SNTG1: variants seen among roughly 807,000 people sequenced by gnomAD.
SNTG1 encodes the protein syntrophin gamma 1.
A neutral mutation model predicts 74.7 loss-of-function variants in SNTG1; 39 were observed. The observed-to-expected ratio is 0.52, with a 90% CI of 0.40 to 0.68. The LOEUF is 0.68. SNTG1 is among the 30% of genes least tolerant of loss of function. The probability of loss-of-function intolerance (pLI) is 0.00; values close to 1 mark genes in which losing one functional copy is unlikely to be tolerated. For missense variants in SNTG1, 685 were observed against 609.5 expected (o/e 1.12, Z -1.30); for synonymous variants, 254 against 217.1 (o/e 1.17, Z -1.49).
At chr8:50,369,587 A>G (rs973319138) in intron 2 of SNTG1, among the ~76,000 whole-genome samples, 6 of 148,588 alleles carry the variant, frequency 4.0e-5, no homozygotes, top group Non-Finnish European at 8.9e-5. Context: ...CAAGAGCAAA[A>G]CTCCGTCCCA....
intron 18 of SNTG1, among the ~76,000 whole-genome samples, chr8:50,758,584 G>A (rs202227600): frequency 1.3e-5 from 2 of 152,036 alleles, no homozygotes; most frequent in Non-Finnish European, 2.9e-5. Context: ...TTGGTTTTCT[G>A]TTCTTGTGTT....
chr8:50,703,085 G>C (rs1228773420), intron 15 of SNTG1, among the ~76,000 whole-genome samples: 2 of 152,062 alleles, frequency 1.3e-5, no homozygotes, highest in Non-Finnish European at 2.9e-5. Context: ...TAAATACTGA[G>C]CACTTAGACT....
intron 13 of SNTG1, among the ~76,000 whole-genome samples, chr8:50,653,305 T>C (rs566843742): frequency 6.6e-6 from 1 of 152,084 alleles, no homozygotes; most frequent in South Asian, 2.1e-4. Context: ...AGTGGTGGTG[T>C]GTGTGCCTGT....
intron 15 of SNTG1, among the ~76,000 whole-genome samples, chr8:50,667,312 C>A (rs1324787781): frequency 6.6e-6 from 1 of 151,992 alleles, no homozygotes; most frequent in Non-Finnish European, 1.5e-5. Context: ...TAAAAAGTTA[C>A]ATTTTAGGGA....
intron 17 of SNTG1, among the ~76,000 whole-genome samples, chr8:50,719,564 C>T (rs186600391): frequency 3.6e-4 from 55 of 152,264 alleles, no homozygotes; most frequent in African/African-American, 1.2e-3. Flanking sequence ...TCCAAGAAAT[C>T]TGTACCAACA....
chr8:50,004,475 C>T (rs1206444222), intron 1 of SNTG1, among the ~76,000 whole-genome samples: 1 of 152,146 alleles, frequency 6.6e-6, no homozygotes, highest in Admixed American at 6.5e-5. Flanking sequence ...CTTACTGCAA[C>T]TCTGCACCCA....
chr8:50,496,666 A>C (rs1490012332), intron 8 of SNTG1, among the ~76,000 whole-genome samples: 3 of 152,208 alleles, frequency 2.0e-5, no homozygotes, highest in Admixed American at 1.3e-4. Flanking sequence ...TATTAAACAC[A>C]TAAATATCTA....
intron 13 of SNTG1, among the ~76,000 whole-genome samples, chr8:50,645,484 G>GT (rs1052287785): frequency 1.6e-4 from 25 of 151,656 alleles, no homozygotes; most frequent in African/African-American, 5.6e-4. Flanking sequence ...TTTATCCTCT[G>GT]TTTTTTTAAG....
At chr8:50,514,099 C>CT (rs941768339) in intron 9 of SNTG1, among the ~76,000 whole-genome samples, 43 of 152,136 alleles carry the variant, frequency 2.8e-4, no homozygotes, top group Non-Finnish European at 4.6e-4. Context: ...GCATATTTTA[C>CT]TTTTTTTTAT....
chr8:50,363,289 C>T (rs2092013011), intron 2 of SNTG1, among the ~76,000 whole-genome samples: 1 of 152,162 alleles, frequency 6.6e-6, no homozygotes, highest in Non-Finnish European at 1.5e-5. Flanking sequence ...CCTGAATTTA[C>T]ATCCCCTCTC....
intron 1 of SNTG1, among the ~76,000 whole-genome samples, chr8:50,104,528 AT>A (rs1177226633): frequency 2.0e-5 from 3 of 151,898 alleles, no homozygotes; most frequent in African/African-American, 4.8e-5. Flanking sequence ...GGATTCATTA[AT>A]TTTTTGAAGC....
At chr8:50,098,924 A>G (rs1563591090) in intron 1 of SNTG1, among the ~76,000 whole-genome samples, 1 of 152,130 alleles carries the variant, frequency 6.6e-6, no homozygotes, top group Non-Finnish European at 1.5e-5. Flanking sequence ...TAGTGAACAA[A>G]TCACACTATT....
intron 1 of SNTG1, among the ~76,000 whole-genome samples, chr8:50,043,936 A>G (rs937794467): frequency 1.3e-5 from 2 of 152,204 alleles, no homozygotes; most frequent in African/African-American, 4.8e-5. Flanking sequence ...CCAACAGAAA[A>G]TCAAGAAGCT....
chr8:49,952,057 GA>G (rs1365420064), intron 1 of SNTG1, among the ~76,000 whole-genome samples: 2 of 152,002 alleles, frequency 1.3e-5, no homozygotes, highest in African/African-American at 2.4e-5. Context: ...GGAGCCTGGG[GA>G]AAGCTTTCTG....
At chr8:49,946,008 C>A (rs1183506320) in intron 1 of SNTG1, among the ~76,000 whole-genome samples, 1 of 152,150 alleles carries the variant, frequency 6.6e-6, no homozygotes, top group Admixed American at 6.5e-5. Flanking sequence ...GTTTTACTAA[C>A]TAGGAAAACC....
intron 13 of SNTG1, among the ~76,000 whole-genome samples, chr8:50,642,649 C>T (rs1041921396): frequency 6.6e-6 from 1 of 152,124 alleles, no homozygotes; most frequent in Non-Finnish European, 1.5e-5. Flanking sequence ...ATACAGGTAA[C>T]TCACTTCCTT....
chr8:50,577,747 C>T (rs1167881149), intron 12 of SNTG1, among the ~76,000 whole-genome samples: 1 of 152,104 alleles, frequency 6.6e-6, no homozygotes, highest in East Asian at 1.9e-4. Context: ...TGATGATTTC[C>T]ATTATTGTTG....
intron 2 of SNTG1, among the ~76,000 whole-genome samples, chr8:50,196,572 A>G (rs1017590856): frequency 1.3e-5 from 2 of 152,026 alleles, no homozygotes; most frequent in Non-Finnish European, 2.9e-5. Flanking sequence ...ATTTCATTCT[A>G]TGTAGAAAAG....
intron 2 of SNTG1, among the ~76,000 whole-genome samples, chr8:50,204,900 C>T (rs1003097445): frequency 2.6e-5 from 4 of 152,168 alleles, no homozygotes; most frequent in Non-Finnish European, 5.9e-5. Flanking sequence ...GACGTGAACT[C>T]ATCCTTTTTT....
Sources: allele counts gnomAD v4.1 joint callset (sites outside exome capture counted in the v4.1 genomes callset), GRCh38; gene constraint gnomAD v4.1.1; transcripts MANE v1.5; gene names NCBI Gene and HGNC (gene_info 2026-07-23, HGNC 2026-07-21).